Variants in ROS1 observed in about 807,000 individuals in gnomAD.
ROS1 encodes the protein ROS proto-oncogene 1, receptor tyrosine kinase.
Under a neutral mutation model 273.5 loss-of-function variants are expected in ROS1, and 263 were observed. That is an observed-to-expected ratio of 0.96 (90% CI 0.87 to 1.06). The LOEUF is 1.06. ROS1 is among the 50% of genes least tolerant of loss of function. ROS1 has a pLI of 0.00. For synonymous variants in ROS1, 1,008 were observed against 954.1 expected (o/e 1.06, Z -1.04); for missense variants, 2,833 against 2,751.1 (o/e 1.03, Z -0.67).
In ROS1 at chr6:117,385,874, T is replaced by C. The variant is rs777100380; in HGVS notation, c.2111-13A>G. On this transcript the variant is annotated splice_polypyrimidine_tract_variant and intron_variant, in intron 15 of 43. Transcript: ENST00000368507. The stretch of plus-strand genomic sequence containing the variant: ...TACCAATCCATGTCTCAAAATAAAG[T>C]GAATGATTAGCAGTTATTTTTCATA... 53 of 1,611,010 alleles carry C rather than the reference T, an allele frequency of 3.3e-5. No homozygotes were observed. In the South Asian group the frequency reaches 5.5e-4, roughly 17 times the overall value.
At chr6:117,356,486 G>C in intron 26 of ROS1, 143 bp downstream of exon 26, 4 of 704,466 alleles carry the variant, frequency 5.7e-6, no homozygotes, top group Non-Finnish European at 8.6e-6. Flanking sequence ...AACTTGATTT[G>C]AATTCTGCAA....
intron 9 of ROS1, among the ~76,000 whole-genome samples, chr6:117,395,198 G>A (rs934044580): frequency 6.6e-6 from 1 of 152,140 alleles, no homozygotes; most frequent in Non-Finnish European, 1.5e-5. Flanking sequence ...GAATGACATT[G>A]GAAGGCTGCA....
At chr6:117,366,767 G>A (rs1451152372) in intron 18 of ROS1, among the ~76,000 whole-genome samples, 1 of 152,088 alleles carries the variant, frequency 6.6e-6, no homozygotes, top group Non-Finnish European at 1.5e-5. Context: ...GACTGCCTCG[G>A]CTTCCCAAAG....
intron 32 of ROS1, among the ~76,000 whole-genome samples, chr6:117,332,253 A>G (rs1478368392): frequency 1.3e-5 from 2 of 152,164 alleles, no homozygotes; most frequent in African/African-American, 4.8e-5. Context: ...AAAGAAGGGC[A>G]TTATATAATG....
Position 117,288,244 on chromosome 6 carries a change from G to C in ROS1, c.*248C>G, listed in dbSNP as rs137980952. The stretch of plus-strand genomic sequence containing the variant: ...AGCAGTGTTTCCCTTCCAGACTTCT[G>C]AGTCTTCCTAAGCTTTCCACATGCT... On this transcript the variant is annotated 3_prime_UTR_variant, in exon 44 of 44. Transcript: ENST00000368507. 3.0e-5 allele frequency: 15 copies of C among 499,036 alleles called. No homozygotes were observed. The East Asian group carries it at 3.0e-4, about 10-fold the overall frequency. The allele number at this position is 499,036 out of a possible 1,614,324, so 30.9% of individuals were successfully genotyped here. A position where few individuals can be genotyped will look rare whatever the true frequency, so the allele number is the denominator to read the frequency against.
Position 117,396,932 on chromosome 6 carries a change from T to C in ROS1, c.789A>G (p.Leu263=). The C allele has an allele frequency of 1.2e-6, 2 of 1,613,062 alleles. No individual in the cohort carries two copies. The highest frequency in any genetic ancestry group is 1.7e-6 in the Non-Finnish European group (2 of 1,179,030). ...QRTSFQFYST[L]PNTIYRFSIA... The stretch of plus-strand genomic sequence containing the variant: ...ATTCTTACCTGTAGATAGTATTTGG[T>C]AAAGTGGAGTAAAACTGGAAACTGG... Residue 263 remains leucine, a synonymous_variant, in exon 8 of 44, where the codon TTA becomes TTG. Transcript: ENST00000368507.
In ROS1 at chr6:117,385,867, A is replaced by G. The variant is rs1290470573; in HGVS notation, c.2111-6T>C. ...GTTGTTATACCAATCCATGTCTCAAAATAAAGTGAATGATTAGCAGTTATT... is the reference window on the plus strand; with the variant it reads ...GTTGTTATACCAATCCATGTCTCAAGATAAAGTGAATGATTAGCAGTTATT... On this transcript the variant is annotated splice_polypyrimidine_tract_variant and splice_region_variant and intron_variant, in intron 15 of 43. Transcript: ENST00000368507. 6.2e-7 allele frequency: 1 copy of G among 1,612,528 alleles called. No individual in the cohort carries two copies. Among genetic ancestry groups the G allele is most frequent in the Non-Finnish European group, 8.5e-7 (1 of 1,178,682 alleles).
rs2128662003 is a variant in ROS1, at chr6:117,366,099, T to C, written c.2774A>G (p.Gln925Arg). Reference protein sequence around the residue: ...PARFNQFTIIQTSLKPLPGNF... With the variant: ...PARFNQFTIIRTSLKPLPGNF... ...ACCTGGCAGGGGCTTAAGGGATGTC[T>C]GAATAATTGTGAACTGATTAAATCT... Residue 925 changes from glutamine to arginine, a missense_variant, in exon 19 of 44, where the codon CAG (glutamine) becomes CGG (arginine). Gln to Arg is a conservative substitution (Grantham distance 43). Transcript: ENST00000368507. 6.2e-7 allele frequency: 1 copy of C among 1,614,008 alleles called. No homozygotes were observed. The highest frequency in any genetic ancestry group is 8.5e-7 in the Non-Finnish European group (1 of 1,179,860).
At chr6:117,346,889 G>T (rs186064130) in intron 27 of ROS1, among the ~76,000 whole-genome samples, 122 of 151,294 alleles carry the variant, frequency 8.1e-4, no homozygotes, top group African/African-American at 2.8e-3. Context: ...AGTCCTCTCT[G>T]CTCTGTCTAT....
chr6:117,413,853 T>C (rs1582892380), intron 4 of ROS1, among the ~76,000 whole-genome samples: 1 of 152,064 alleles, frequency 6.6e-6, no homozygotes, highest in East Asian at 1.9e-4. Flanking sequence ...TGGTGGCACA[T>C]GCCTGTAGCC....
intron 43 of ROS1, among the ~76,000 whole-genome samples, chr6:117,298,285 C>G (rs1415479882): frequency 6.6e-6 from 1 of 152,026 alleles, no homozygotes; most frequent in Non-Finnish European, 1.5e-5. Context: ...GTGATAGATA[C>G]CCTAAAAGCC....
At position 117,404,369 on chromosome 6, in the gene ROS1, A is replaced by G. The variant is rs1774221581; in HGVS notation, c.376T>C (p.Leu126=). 6.2e-7 allele frequency: 1 copy of G among 1,613,992 alleles called. No homozygotes were observed. ...GAGAAGTTTGCAGATTTCCATCGTA[A>G]TGTCATATTGTGGCTTCCAATGGAA... The part of the protein sequence containing the change: ...ASSIGSHNMT[L]RWKSANFSGV... The change falls in exon 6 of 44, where the codon TTA becomes CTA. Residue 126 remains leucine, a synonymous_variant. Coordinates refer to ENST00000368507, the MANE Select transcript of ROS1 (RefSeq NM_001378902.1).
intron 43 of ROS1, among the ~76,000 whole-genome samples, chr6:117,295,132 C>G (rs1034497123): frequency 2.1e-4 from 32 of 152,070 alleles, no homozygotes; most frequent in African/African-American, 7.7e-4. Context: ...GGTACATATA[C>G]AGAATGGAAT....
chr6:117,347,166 T>A (rs2128630315), intron 27 of ROS1, among the ~76,000 whole-genome samples: 1 of 152,280 alleles, frequency 6.6e-6, no homozygotes, highest in African/African-American at 2.4e-5. Context: ...AGAAATGACA[T>A]CTTGACAATA....
chr6:117,358,911 C>A (rs1184141720), intron 24 of ROS1, among the ~76,000 whole-genome samples: 1 of 152,198 alleles, frequency 6.6e-6, no homozygotes, highest in Admixed American at 6.5e-5. Context: ...ACTATTCACA[C>A]TGCTAACAGA....
At chr6:117,311,554 T>G (rs184313070) in intron 39 of ROS1, among the ~76,000 whole-genome samples, 1 of 152,242 alleles carries the variant, frequency 6.6e-6, no homozygotes, top group Non-Finnish European at 1.5e-5. Context: ...AACAGGCACT[T>G]AATAAACAGT....
In ROS1 at chr6:117,425,559, C is replaced by A; in HGVS notation, c.98G>T (p.Cys33Phe). 6.2e-7 allele frequency: 1 copy of A among 1,600,768 alleles called. No individual in the cohort carries two copies. Among genetic ancestry groups the A allele is most frequent in the Non-Finnish European group, 8.5e-7 (1 of 1,175,928 alleles). ...SVVQCTVLNS[C>F]LKSCVTNLGQ... ...CAGATTAGTTACACACGACTTTAGG[C>A]AGCTATTTAAAACTGTACACTGCAC... The change falls in exon 1 of 44, where the codon TGC (cysteine) becomes TTC (phenylalanine). Residue 33 changes from cysteine (C) to phenylalanine (F), a missense_variant. Physicochemically the swap from Cys to Phe is radical, Grantham distance 205. Transcript: ENST00000368507.
intron 37 of ROS1, among the ~76,000 whole-genome samples, chr6:117,318,869 GC>G (rs1392133146): frequency 2.6e-5 from 4 of 152,098 alleles, no homozygotes; most frequent in Non-Finnish European, 5.9e-5. Flanking sequence ...GAACAATGAG[GC>G]AGCAAGCATG....
At chr6:117,296,288 C>T (rs182620008) in intron 43 of ROS1, among the ~76,000 whole-genome samples, 22 of 152,104 alleles carry the variant, frequency 1.4e-4, no homozygotes, top group African/African-American at 5.3e-4. Context: ...GTAGTCCCAG[C>T]TACTCGGAAT....
Sources: gnomAD v4.1 joint callset for allele counts (sites outside exome capture counted in the v4.1 genomes callset) on GRCh38, gnomAD v4.1.1 for gene constraint, MANE v1.5 for transcripts, NCBI Gene and HGNC (gene_info 2026-07-23, HGNC 2026-07-21) for gene names.